Variants in HACL1 observed in about 807,000 individuals in gnomAD.
The protein encoded by HACL1 is 2-hydroxyacyl-CoA lyase 1.
A neutral mutation model predicts 74.2 loss-of-function variants in HACL1; 64 were observed. That is an observed-to-expected ratio of 0.86 (90% CI 0.70 to 1.06). The LOEUF is 1.06. Among genes scored for constraint, HACL1 ranks in the 50% least tolerant of loss-of-function variants. HACL1 has a pLI of 0.00. For synonymous variants in HACL1, 230 were observed against 238.8 expected (o/e 0.96, Z 0.34); for missense variants, 728 against 719.7 (o/e 1.01, Z -0.13).
Position 15,574,983 on chromosome 3 carries a change from A to C in HACL1, c.903T>G (p.Phe301Leu). The change falls in exon 10 of 17, where the codon TTT becomes TTG. Residue 301 changes from phenylalanine to leucine, a missense_variant. Phe to Leu is a conservative substitution (Grantham distance 22). Transcript: ENST00000321169. ...LPPRYQPDVK[F>L]IQVDICAEEL... is the part of the protein sequence containing the mutation. ...GTTCCTCCTCTCTAAGTACCTGGAT[A>C]AACTTCACATCTGGCTGATATCTTG... 6.8e-7 allele frequency: 1 copy of C among 1,472,142 alleles called. No homozygotes were observed. Among genetic ancestry groups the C allele is most frequent in the Non-Finnish European group, 9.5e-7 (1 of 1,052,784 alleles). 91.2% of individuals were successfully genotyped at this position (1,472,142 alleles called of 1,614,324 possible).
At chr3:15,593,133 A>G (rs2063982490) in intron 3 of HACL1, among the ~76,000 whole-genome samples, 1 of 129,158 alleles carries the variant, frequency 7.7e-6, no homozygotes, top group Non-Finnish European at 1.5e-5. Flanking sequence ...ACATACGTAT[A>G]TATGTATATA....
chr3:15,586,355 A>G (rs1432116367), intron 6 of HACL1, among the ~76,000 whole-genome samples, 170 bp downstream of exon 6: 2 of 152,328 alleles, frequency 1.3e-5, no homozygotes, highest in East Asian at 3.9e-4. Flanking sequence ...CTATAATTAA[A>G]TGTAATGACA....
intron 10 of HACL1, among the ~76,000 whole-genome samples, chr3:15,574,051 G>C (rs894625680): frequency 6.6e-6 from 1 of 152,154 alleles, no homozygotes; most frequent in Non-Finnish European, 1.5e-5. Context: ...CTGGGAAAAG[G>C]GCAACTGTAG....
At chr3:15,579,650 A>T (rs1189198766) in intron 9 of HACL1, among the ~76,000 whole-genome samples, 1 of 152,204 alleles carries the variant, frequency 6.6e-6, no homozygotes, top group Non-Finnish European at 1.5e-5. Flanking sequence ...ATCATACTTA[A>T]ACTGCTGAAA....
chr3:15,589,008 T>C (rs938809840), intron 5 of HACL1, among the ~76,000 whole-genome samples: 13 of 152,200 alleles, frequency 8.5e-5, no homozygotes, highest in Non-Finnish European at 1.9e-4. Context: ...GTGTATTTCT[T>C]GAAAGCTTGT....
rs543372239 is a variant in HACL1, at chr3:15,574,097, G to C, written c.910-855C>G. Among the ~76,000 whole-genome samples, 10 of 152,326 alleles carry C rather than the reference G, an allele frequency of 6.6e-5. No homozygotes were observed. In the South Asian group the frequency reaches 1.4e-3, roughly 22 times the overall value. On this transcript the variant is annotated intron_variant, in intron 10 of 16. Coordinates refer to ENST00000321169, the MANE Select transcript of HACL1 (RefSeq NM_012260.4). ...AAACATCAAGCAACCCAAGCACAGT[G>C]GCTCAAGTCTGTAATCTGGCATTTT...
intron 16 of HACL1, 65 bp downstream of exon 16, chr3:15,563,292 TA>T: frequency 9.4e-7 from 1 of 1,066,070 alleles, no homozygotes; most frequent in South Asian, 1.4e-5. Flanking sequence ...GTTTGGTAGA[TA>T]CTTTTTGGAG....
At chr3:15,592,441 CGT>C (rs1355103830) in intron 3 of HACL1, among the ~76,000 whole-genome samples, 1 of 148,008 alleles carries the variant, frequency 6.8e-6, no homozygotes, top group African/African-American at 2.5e-5. Context: ...TGTAGACACA[CGT>C]ATACATACAC....
chr3:15,573,429 G>C (rs904675030), intron 10 of HACL1, among the ~76,000 whole-genome samples, 187 bp from the exon 11 acceptor site: 4 of 152,194 alleles, frequency 2.6e-5, no homozygotes, highest in Non-Finnish European at 4.4e-5. Context: ...CTAGTATAGA[G>C]AGCCTCATTA....
chr3:15,587,804 G>A (rs2063819919), intron 5 of HACL1, among the ~76,000 whole-genome samples: 1 of 152,084 alleles, frequency 6.6e-6, no homozygotes, highest in Admixed American at 6.5e-5. Flanking sequence ...CTAGAGTTCA[G>A]TATTTTAGTT....
intron 7 of HACL1, among the ~76,000 whole-genome samples, chr3:15,583,408 A>G (rs762767988): frequency 2.0e-5 from 3 of 152,224 alleles, no homozygotes; most frequent in Non-Finnish European, 4.4e-5. Flanking sequence ...TAGCTGTCCT[A>G]ACAGTAAAAA....
chr3:15,589,637 G>C, intron 4 of HACL1, 25 bp from the exon 5 acceptor site: 2 of 1,439,832 alleles, frequency 1.4e-6, no homozygotes, highest in Non-Finnish European at 2.0e-6. Flanking sequence ...TTTTTAACAA[G>C]ATAATTACAA....
intron 2 of HACL1, among the ~76,000 whole-genome samples, chr3:15,596,754 T>C (rs2064073519): frequency 6.6e-6 from 1 of 152,150 alleles, no homozygotes; most frequent in Admixed American, 6.5e-5. Flanking sequence ...TCATGAGGGG[T>C]TTATCAAATT....
intron 9 of HACL1, among the ~76,000 whole-genome samples, chr3:15,579,369 A>G (rs2063683276): frequency 6.6e-6 from 1 of 152,202 alleles, no homozygotes; most frequent in Non-Finnish European, 1.5e-5. Flanking sequence ...GTATAGAAAA[A>G]TATTCTTAAA....
At chr3:15,599,087 T>C (rs930222765) in intron 2 of HACL1, among the ~76,000 whole-genome samples, 1 of 152,222 alleles carries the variant, frequency 6.6e-6, no homozygotes, top group African/African-American at 2.4e-5. Context: ...TCATCTCCTG[T>C]GGGAAGCTGA....
At chr3:15,562,955 T>TA (rs1375680818) in intron 16 of HACL1, among the ~76,000 whole-genome samples, 4 of 146,080 alleles carry the variant, frequency 2.7e-5, no homozygotes, top group Non-Finnish European at 1.5e-5. Flanking sequence ...GATCTCCGTT[T>TA]AAGAATCACC....
chr3:15,600,791 C>A, intron 2 of HACL1: 1 of 439,978 alleles, frequency 2.3e-6, no homozygotes, highest in Non-Finnish European at 4.2e-6. Flanking sequence ...CATAAACTGT[C>A]CATTCCAATC....
chr3:15,567,948 T>A lies in HACL1; in HGVS notation c.1305A>T (p.Ala435=). 9 of 1,613,966 alleles carry A rather than the reference T, an allele frequency of 5.6e-6. 1 individual carries two copies. The highest frequency in any genetic ancestry group is 5.1e-6 in the Non-Finnish European group (6 of 1,179,792). Residue 435 remains alanine (A), a synonymous_variant, in exon 14 of 17, where the codon GCA becomes GCT. Coordinates refer to ENST00000321169, the MANE Select transcript of HACL1 (RefSeq NM_012260.4). ...TTCTATCTTTAGCCACCACGGCAGC[T>A]GCAATAGCAAATCCCAAACCAACTC... ...TMGVGLGFAI[A]AAVVAKDRSP...
chr3:15,561,880 A>G (rs1397808527), intron 16 of HACL1, among the ~76,000 whole-genome samples: 3 of 152,140 alleles, frequency 2.0e-5, no homozygotes, highest in Admixed American at 6.5e-5. Context: ...AGGTTTCACC[A>G]TGTTGGCCAG....
Sources: allele counts gnomAD v4.1 joint callset (sites outside exome capture counted in the v4.1 genomes callset), GRCh38; gene constraint gnomAD v4.1.1; transcripts MANE v1.5; gene names NCBI Gene and HGNC (gene_info 2026-07-23, HGNC 2026-07-21).